The following KIAA2012 variants were observed in gnomAD, a reference collection of about 807,000 sequenced individuals.
The protein encoded by KIAA2012 is uncharacterized protein KIAA2012.
In KIAA2012, 125 loss-of-function variants were observed where a neutral mutation model predicts 150.6. The ratio of observed to expected loss-of-function variants is 0.83; its 90% CI spans 0.72 to 0.96. KIAA2012 has a LOEUF of 0.96. Among genes scored for constraint, KIAA2012 ranks in the 40% least tolerant of loss-of-function variants. KIAA2012 has a pLI of 0.00. For missense variants in KIAA2012, 1,219 were observed against 1,354.9 expected, an observed-to-expected ratio of 0.90 and a Z score of 1.57; for synonymous variants, 462 against 504.7, an observed-to-expected ratio of 0.92 and a Z score of 1.13.
intron 13 of KIAA2012, among the ~76,000 whole-genome samples, chr2:202,152,778 G>A (rs1691454190): frequency 6.6e-6 from 1 of 152,134 alleles, no homozygotes; most frequent in Non-Finnish European, 1.5e-5. Flanking sequence ...AAAAGGGTGT[G>A]GGTGTTCATT....
At chr2:202,109,526 C>T in intron 9 of KIAA2012, 87 bp from the exon 10 acceptor site, 2 of 1,204,658 alleles carry the variant, frequency 1.7e-6, no homozygotes, top group South Asian at 3.4e-5. Flanking sequence ...ACACAGAGGT[C>T]CTTCAACCAA....
Position 202,180,138 on chromosome 2 carries a change from G to C in KIAA2012, c.2120-4615G>C, listed in dbSNP as rs370643386. 3.2e-4 allele frequency among the ~76,000 whole-genome samples: 49 copies of C among 152,226 alleles called. 1 individual carries two copies. Among genetic ancestry groups the C allele is most frequent in the Admixed American group, 7.2e-4 (11 of 15,300 alleles). On this transcript the variant is annotated intron_variant, in intron 15 of 23. Coordinates refer to ENST00000498697, the MANE Select transcript of KIAA2012 (RefSeq NM_001277372.4). ...AATACAAAATTAGCCGGGCATGGTG[G>C]TGCATGCCTATAATCCCAGCTATTC...
At chr2:202,175,887 A>C (rs1372820385) in intron 15 of KIAA2012, among the ~76,000 whole-genome samples, 3 of 152,248 alleles carry the variant, frequency 2.0e-5, no homozygotes, top group Admixed American at 2.0e-4. Context: ...TGGCTTAGAG[A>C]CAGACAGAAG....
intron 12 of KIAA2012, among the ~76,000 whole-genome samples, chr2:202,132,692 G>GTATATATA (rs1690963932): frequency 3.3e-5 from 2 of 60,034 alleles, no homozygotes; most frequent in African/African-American, 6.9e-5. Context: ...ATATATATAT[G>GTATATATA]TATGTATATA....
At chr2:202,153,082 G>T (rs570881170) in intron 13 of KIAA2012, among the ~76,000 whole-genome samples, 1 of 152,296 alleles carries the variant, frequency 6.6e-6, no homozygotes, top group Non-Finnish European at 1.5e-5. Context: ...TTCCTGTAAA[G>T]GTATCTTCAC....
intron 14 of KIAA2012, among the ~76,000 whole-genome samples, chr2:202,155,905 A>G (rs1171835144): frequency 6.6e-6 from 1 of 152,246 alleles, no homozygotes; most frequent in Non-Finnish European, 1.5e-5. Flanking sequence ...GTTGGCCACC[A>G]GCTTCTATTT....
intron 11 of KIAA2012, chr2:202,113,958 A>G (rs1301784753): frequency 6.5e-6 from 1 of 153,212 alleles, no homozygotes; most frequent in Non-Finnish European, 1.5e-5. Flanking sequence ...GGCAATAGCC[A>G]TTTTGCAAAG....
At chr2:202,175,762 C>A (rs761264341) in intron 15 of KIAA2012, among the ~76,000 whole-genome samples, 1 of 151,986 alleles carries the variant, frequency 6.6e-6, no homozygotes, top group Non-Finnish European at 1.5e-5. Flanking sequence ...GTTATAGCAG[C>A]CTGAACAGAC....
At chr2:202,167,238 A>C (rs1691787734) in intron 15 of KIAA2012, among the ~76,000 whole-genome samples, 2 of 152,026 alleles carry the variant, frequency 1.3e-5, no homozygotes, top group Non-Finnish European at 2.9e-5. Context: ...ATAAAATTTC[A>C]ATTCTTATTT....
In KIAA2012 at chr2:202,201,409, C is replaced by G. The variant is rs529330602; in HGVS notation, c.3408-1020C>G. On this transcript the variant is annotated intron_variant, in intron 22 of 23. Coordinates refer to ENST00000498697, the MANE Select transcript of KIAA2012 (RefSeq NM_001277372.4). ...CAGATGGTGTAGCCACCATCTGATT[C>G]ACCCATGAAGAAGTTCCCCTTCCAC... The G allele has an allele frequency of 3.8e-6, 6 of 1,589,684 alleles. No individual in the cohort carries two copies. The South Asian group carries it at 6.6e-5, about 18-fold the overall frequency.
chr2:202,199,904 C>T (rs1177941176), intron 22 of KIAA2012, among the ~76,000 whole-genome samples: 2 of 150,200 alleles, frequency 1.3e-5, no homozygotes, highest in Admixed American at 6.7e-5. Flanking sequence ...ATGCATCTTC[C>T]TCCTTGCCCC....
In KIAA2012 at chr2:202,196,958, G is replaced by A; in HGVS notation, c.3346G>A (p.Glu1116Lys). 6.4e-7 allele frequency: 1 copy of A among 1,550,688 alleles called. No individual in the cohort carries two copies. The highest frequency in any genetic ancestry group is 8.7e-7 in the Non-Finnish European group (1 of 1,146,998). Residue 1116 changes from glutamate to lysine, a missense_variant, in exon 22 of 24, where the codon GAA (glutamate) becomes AAA (lysine). Transcript: ENST00000498697. Reference sequence around the variant, plus strand: ...GGAGGCAGAGGAGAGGAGGCAAAAAGAAGAGGAAGCAGCAAGACTGGCTCT... The same window carrying A: ...GGAGGCAGAGGAGAGGAGGCAAAAAAAAGAGGAAGCAGCAAGACTGGCTCT... ...RLEAEERRQK[E>K]EEAARLALEE...
At chr2:202,156,567 G>A (rs2177086) in intron 14 of KIAA2012, among the ~76,000 whole-genome samples, 57,593 of 151,914 alleles carry the variant, frequency 0.38, 11,225 homozygotes, top group East Asian at 0.59. Flanking sequence ...CAAGCAGAGT[G>A]TGTAGCATGT....
chr2:202,201,524 A>C, intron 22 of KIAA2012: 1 of 1,608,662 alleles, frequency 6.2e-7, no homozygotes. Context: ...TGTTGCCAGC[A>C]GTAGCCCCAG....
intron 22 of KIAA2012, 87 bp downstream of exon 22, chr2:202,197,106 T>C (rs1441118489): frequency 5.2e-6 from 8 of 1,531,940 alleles, no homozygotes; most frequent in Non-Finnish European, 7.0e-6. Flanking sequence ...GCACTGCCTT[T>C]AGACAAGAAA....
intron 18 of KIAA2012, 43 bp from the exon 19 acceptor site, chr2:202,190,131 A>G: frequency 3.5e-6 from 5 of 1,439,022 alleles, no homozygotes; most frequent in Non-Finnish European, 4.6e-6. Flanking sequence ...GATCACATTA[A>G]GTTAACTCAG....
At chr2:202,099,119 C>T (rs13416785) in intron 5 of KIAA2012, among the ~76,000 whole-genome samples, 2 of 151,888 alleles carry the variant, frequency 1.3e-5, no homozygotes, top group African/African-American at 4.8e-5. Context: ...CCCTGAGTAG[C>T]TGGGACTACA....
chr2:202,138,244 T>G, intron 12 of KIAA2012, 188 bp from the exon 13 acceptor site: 3 of 543,206 alleles, frequency 5.5e-6, no homozygotes, highest in Non-Finnish European at 6.6e-6. Context: ...TAACATGGTG[T>G]TTAGGCTATG....
intron 2 of KIAA2012, among the ~76,000 whole-genome samples, chr2:202,079,307 A>G (rs114892356): frequency 1.1e-4 from 17 of 152,274 alleles, no homozygotes; most frequent in African/African-American, 3.6e-4. Context: ...TCTTTGTCCA[A>G]ATAGGATAGT....
Sources: gnomAD v4.1 joint callset for allele counts (sites outside exome capture counted in the v4.1 genomes callset) on GRCh38, gnomAD v4.1.1 for gene constraint, MANE v1.5 for transcripts, NCBI Gene and HGNC (gene_info 2026-07-23, HGNC 2026-07-21) for gene names.